ACOXL: variants seen among roughly 807,000 people sequenced by gnomAD.
ACOXL encodes the protein acyl-CoA oxidase like, also known as acyl-coenzyme A oxidase-like protein.
Under a neutral mutation model 71.9 loss-of-function variants are expected in ACOXL, and 70 were observed. The observed-to-expected ratio is 0.97, with a 90% CI of 0.80 to 1.19. The LOEUF (loss-of-function observed/expected upper bound fraction) is 1.19. Among genes scored for constraint, ACOXL ranks in the 50% most tolerant of loss-of-function variants. ACOXL has a pLI of 0.00. For synonymous variants in ACOXL, 253 were observed against 281.6 expected (o/e 0.90, Z 1.02); for missense variants, 703 against 736.3 (o/e 0.95, Z 0.52).
chr2:111,023,658 G>A (rs901291837), intron 14 of ACOXL, among the ~76,000 whole-genome samples: 2 of 152,150 alleles, frequency 1.3e-5, no homozygotes, highest in Non-Finnish European at 2.9e-5. Flanking sequence ...GAGGATAATT[G>A]CCAAGAGAGA....
At chr2:111,015,080 C>G (rs1456912028) in intron 14 of ACOXL, among the ~76,000 whole-genome samples, 1 of 152,162 alleles carries the variant, frequency 6.6e-6, no homozygotes, top group Non-Finnish European at 1.5e-5. Context: ...CAAAAAGACA[C>G]AAAAAGTACT....
intron 10 of ACOXL, among the ~76,000 whole-genome samples, chr2:110,849,890 A>G (rs1266353075): frequency 6.6e-6 from 1 of 152,258 alleles, no homozygotes; most frequent in Non-Finnish European, 1.5e-5. Flanking sequence ...AGCAGACTAT[A>G]GGACATGTAG....
chr2:110,770,694 A>C (rs1223284799), intron 2 of ACOXL, among the ~76,000 whole-genome samples: 1 of 152,012 alleles, frequency 6.6e-6, no homozygotes, highest in African/African-American at 2.4e-5. Flanking sequence ...AAAACAACCA[A>C]CCTCTTTGCT....
At chr2:111,092,840 T>A in intron 16 of ACOXL, 25 bp from the exon 17 acceptor site, 3 of 1,535,050 alleles carry the variant, frequency 2.0e-6, no homozygotes, top group Non-Finnish European at 2.7e-6. Flanking sequence ...TTTGTCCATT[T>A]CTTTTGTTTT....
In ACOXL at chr2:110,897,608, C is replaced by G. The variant is rs181760067; in HGVS notation, c.789-11181C>G. On this transcript the variant is annotated intron_variant, in intron 10 of 17. Coordinates refer to ENST00000439055, the MANE Select transcript of ACOXL (RefSeq NM_001142807.4). ...CCTAAACACCTCTCGTTAGGCCTCA[C>G]CTCCCAACACTGTTGCATTGGGGAT... Among the ~76,000 whole-genome samples, 18 of 152,312 alleles carry G rather than the reference C, an allele frequency of 1.2e-4. No individual in the cohort carries two copies. The East Asian group carries it at 3.5e-3, about 29-fold the overall frequency.
intron 16 of ACOXL, among the ~76,000 whole-genome samples, chr2:111,061,396 C>T (rs1221290195): frequency 6.6e-6 from 1 of 152,044 alleles, no homozygotes; most frequent in Non-Finnish European, 1.5e-5. Flanking sequence ...GAACTGTCAA[C>T]CAGAAACCTA....
intron 11 of ACOXL, among the ~76,000 whole-genome samples, chr2:110,932,560 G>A (rs1039273608): frequency 6.6e-6 from 1 of 152,164 alleles, no homozygotes; most frequent in African/African-American, 2.4e-5. Context: ...GGATGGGGGA[G>A]TGGAATTGAG....
At chr2:110,923,417 A>G (rs933857953) in intron 11 of ACOXL, among the ~76,000 whole-genome samples, 1 of 152,074 alleles carries the variant, frequency 6.6e-6, no homozygotes. Flanking sequence ...TTCAAGGTTC[A>G]GGGTCTGGGT....
At chr2:110,985,259 T>A (rs569660928) in intron 12 of ACOXL, among the ~76,000 whole-genome samples, 1 of 152,312 alleles carries the variant, frequency 6.6e-6, no homozygotes, top group African/African-American at 2.4e-5. Context: ...ACACTTACTT[T>A]GTGTAGCAGC....
chr2:110,865,240 A>C (rs1048074823), intron 10 of ACOXL, among the ~76,000 whole-genome samples: 1 of 151,980 alleles, frequency 6.6e-6, no homozygotes, highest in African/African-American at 2.4e-5. Context: ...GAAGAGATGG[A>C]CCCCTTTGCC....
chr2:111,058,457 A>G (rs1056443591), intron 16 of ACOXL, among the ~76,000 whole-genome samples: 69 of 152,222 alleles, frequency 4.5e-4, no homozygotes, highest in Admixed American at 1.7e-3. Flanking sequence ...TGACGAAGGC[A>G]GCAAAGCCTA....
At chr2:110,733,145 A>G (rs1436622077) in intron 1 of ACOXL, 1 of 152,396 alleles carries the variant, frequency 6.6e-6, no homozygotes, top group Non-Finnish European at 1.5e-5. Context: ...CCGCCCCGCG[A>G]TGTCCCACCC....
chr2:110,805,960 T>C (rs1254160660), intron 9 of ACOXL, among the ~76,000 whole-genome samples: 2 of 152,202 alleles, frequency 1.3e-5, no homozygotes, highest in African/African-American at 4.8e-5. Context: ...CCAGTCTACT[T>C]TGTTCTCTGG....
chr2:111,078,396 TG>T (rs35257157), intron 16 of ACOXL, among the ~76,000 whole-genome samples: 7 of 152,148 alleles, frequency 4.6e-5, no homozygotes, highest in Admixed American at 4.6e-4. Context: ...CCCAAGTAGC[TG>T]GGATTGCAGG....
rs554830601 is a variant in ACOXL at position 111,027,936 on chromosome 2, G to T, written c.1282-3691G>T. Reference sequence around the variant, plus strand: ...ACAGTGGCTCACACCTGTAATTCCAGCAACTTTGGGAGGCCAATGCTGGCA... The same window carrying T: ...ACAGTGGCTCACACCTGTAATTCCATCAACTTTGGGAGGCCAATGCTGGCA... On this transcript the variant is annotated intron_variant, in intron 14 of 17. Coordinates refer to ENST00000439055, the MANE Select transcript of ACOXL (RefSeq NM_001142807.4). 3.3e-5 allele frequency among the ~76,000 whole-genome samples: 5 copies of T among 152,144 alleles called. No individual in the cohort carries two copies. In the South Asian group the frequency reaches 1.0e-3, roughly 32 times the overall value.
At chr2:110,784,054 T>C (rs1473166257) in intron 2 of ACOXL, among the ~76,000 whole-genome samples, 1 of 152,176 alleles carries the variant, frequency 6.6e-6, no homozygotes, top group Non-Finnish European at 1.5e-5. Context: ...TGGTCTATAG[T>C]TACAAAGTAA....
chr2:110,892,471 C>T (rs888983602), intron 10 of ACOXL, among the ~76,000 whole-genome samples: 2 of 152,040 alleles, frequency 1.3e-5, no homozygotes. Context: ...CACCTGACAT[C>T]CAGATGTTGG....
At chr2:110,921,475 G>A (rs1474918407) in intron 11 of ACOXL, among the ~76,000 whole-genome samples, 1 of 137,396 alleles carries the variant, frequency 7.3e-6, no homozygotes, top group Non-Finnish European at 1.5e-5. Context: ...TCACTTGCAA[G>A]CTCCACTTCC....
Position 110,968,124 on chromosome 2 carries a change from A to C in ACOXL, c.1060-18984A>C, listed in dbSNP as rs1220010983. The C allele has an allele frequency of 3.7e-6, 5 of 1,340,646 alleles. No homozygotes were observed. The East Asian group carries it at 1.1e-4, about 31-fold the overall frequency. The allele number at this position is 1,340,646 out of a possible 1,614,324, so 83.0% of individuals were successfully genotyped here. ...AGGTTGGCCTGACAAATTATGCTGC[A>C]GAGTATTGTACTGGCCTGCTGCTGG... is the stretch of plus-strand genomic sequence containing the variant. On this transcript the variant is annotated intron_variant, in intron 12 of 17. Transcript: ENST00000439055.
Sources: allele counts gnomAD v4.1 joint callset (sites outside exome capture counted in the v4.1 genomes callset), GRCh38; gene constraint gnomAD v4.1.1; transcripts MANE v1.5; gene names NCBI Gene and HGNC (gene_info 2026-07-23, HGNC 2026-07-21).